The following XKR9 variants were observed in gnomAD, a reference collection of about 807,000 sequenced individuals.
XKR9 encodes XK-related protein 9.
Under a neutral mutation model 32.0 loss-of-function variants are expected in XKR9, and 32 were observed. That is an observed-to-expected ratio of 1.00 (90% CI 0.76 to 1.34). The LOEUF is 1.34. Among genes scored for constraint, XKR9 ranks in the 40% most tolerant of loss-of-function variants. XKR9 has a pLI of 0.00. For synonymous variants in XKR9, 168 were observed against 143.4 expected (o/e 1.17, Z -1.22); for missense variants, 546 against 429.7 (o/e 1.27, Z -2.39).
intron 4 of XKR9, among the ~76,000 whole-genome samples, chr8:70,730,033 C>T (rs1424326829): frequency 6.6e-6 from 1 of 152,024 alleles, no homozygotes; most frequent in Non-Finnish European, 1.5e-5. Context: ...ATTTACTTAT[C>T]CGAGGTGGTA....
At chr8:70,980,791 A>G in the XKR9 span, among the ~76,000 whole-genome samples, 1 of 152,204 alleles carries the variant, frequency 6.6e-6, no homozygotes, top group South Asian at 2.1e-4. Context: ...ATTTGTTTCA[A>G]GATTTAGAGC....
the XKR9 span, among the ~76,000 whole-genome samples, chr8:70,975,534 C>G: frequency 5.3e-4 from 81 of 152,252 alleles, no homozygotes; most frequent in African/African-American, 1.2e-3. Flanking sequence ...TCAGGTTTGT[C>G]AAAGATCAGA....
the XKR9 span, among the ~76,000 whole-genome samples, chr8:70,862,693 G>C: frequency 1.8e-4 from 28 of 151,954 alleles, no homozygotes; most frequent in African/African-American, 6.3e-4. Flanking sequence ...GCTGGGTGAA[G>C]AATAAATATG....
At chr8:70,724,679 C>T (rs1298997564) in intron 4 of XKR9, among the ~76,000 whole-genome samples, 1 of 152,144 alleles carries the variant, frequency 6.6e-6, no homozygotes, top group Non-Finnish European at 1.5e-5. Flanking sequence ...ACCCACCCTG[C>T]TTCTGCTCGC....
the XKR9 span, among the ~76,000 whole-genome samples, chr8:71,018,152 G>A: frequency 6.6e-6 from 1 of 152,156 alleles, no homozygotes; most frequent in South Asian, 2.1e-4. Flanking sequence ...GCATTAGAAG[G>A]ATTGCAGACA....
At chr8:70,978,220 T>C in the XKR9 span, among the ~76,000 whole-genome samples, 2 of 151,132 alleles carry the variant, frequency 1.3e-5, no homozygotes, top group East Asian at 3.9e-4. Flanking sequence ...AACTGGAGCA[T>C]TTAGCCCATT....
chr8:70,898,710 A>C, the XKR9 span, among the ~76,000 whole-genome samples: 1 of 151,856 alleles, frequency 6.6e-6, no homozygotes, highest in Non-Finnish European at 1.5e-5. Context: ...TCTTTTTTAA[A>C]ATGTGTTACT....
At chr8:70,895,704 G>T in the XKR9 span, among the ~76,000 whole-genome samples, 3 of 151,574 alleles carry the variant, frequency 2.0e-5, no homozygotes, top group Non-Finnish European at 4.4e-5. Context: ...TCTCTTGTAG[G>T]CTGTGTGCAA....
chr8:70,954,174 G>A, the XKR9 span, among the ~76,000 whole-genome samples: 1 of 152,028 alleles, frequency 6.6e-6, no homozygotes, highest in Admixed American at 6.6e-5. Context: ...CTGGGTGAGA[G>A]CAGGGCAGGC....
chr8:70,856,629 G>A, the XKR9 span, among the ~76,000 whole-genome samples: 1 of 152,098 alleles, frequency 6.6e-6, no homozygotes, highest in Non-Finnish European at 1.5e-5. Flanking sequence ...GGACCTAATA[G>A]ACATCTGCAG....
chr8:70,850,541 A>T, the XKR9 span, among the ~76,000 whole-genome samples: 1 of 152,168 alleles, frequency 6.6e-6, no homozygotes, highest in South Asian at 2.1e-4. Context: ...ATCCTCAATG[A>T]AAAACTGGCA....
At chr8:71,006,366 C>T in the XKR9 span, among the ~76,000 whole-genome samples, 198 of 152,048 alleles carry the variant, frequency 1.3e-3, 2 homozygotes, top group East Asian at 7.2e-3. Flanking sequence ...CTATCATTGG[C>T]GTTAGTATAT....
At chr8:70,899,076 G>C in the XKR9 span, among the ~76,000 whole-genome samples, 1 of 152,070 alleles carries the variant, frequency 6.6e-6, no homozygotes. Flanking sequence ...ACTATGCCTA[G>C]CTAGAATTTT....
chr8:70,709,222 G>A (rs1160573879), intron 4 of XKR9, among the ~76,000 whole-genome samples: 1 of 151,992 alleles, frequency 6.6e-6, no homozygotes, highest in Non-Finnish European at 1.5e-5. Context: ...CACAGAAAAG[G>A]CTTTTGATAA....
chr8:70,733,513 AT>A lies in XKR9; in HGVS notation c.494-282del, dbSNP rs1301511524. Among the ~76,000 whole-genome samples the A allele has an allele frequency of 2.0e-5, 3 of 152,138 alleles. No homozygotes were observed. The East Asian group carries it at 5.8e-4, about 29-fold the overall frequency. The stretch of plus-strand genomic sequence containing the variant: ...TCCCATGAATTTTTAAAAAATCATA[AT>A]AAAACAGTCTAATATAGTGGATAAA... On this transcript the variant is annotated intron_variant, in intron 4 of 4. Coordinates refer to ENST00000408926, the MANE Select transcript of XKR9 (RefSeq NM_001011720.2).
At chr8:70,696,993 T>A (rs1366075257) in intron 3 of XKR9, among the ~76,000 whole-genome samples, 1 of 151,758 alleles carries the variant, frequency 6.6e-6, no homozygotes, top group Non-Finnish European at 1.5e-5. Flanking sequence ...TTGTCTGTTA[T>A]TGGTGTATAA....
chr8:71,045,362 G>A, the XKR9 span, among the ~76,000 whole-genome samples: 1 of 152,190 alleles, frequency 6.6e-6, no homozygotes, highest in Admixed American at 6.5e-5. Flanking sequence ...AGTGGAGAAA[G>A]AGCTGCAGAA....
chr8:70,935,158 T>C, the XKR9 span, among the ~76,000 whole-genome samples: 1 of 141,928 alleles, frequency 7.0e-6, no homozygotes, highest in Admixed American at 7.5e-5. Flanking sequence ...TATACATATA[T>C]ATACATATAT....
chr8:70,769,415 T>G (rs939567366), intron 2 of XKR9, among the ~76,000 whole-genome samples: 3 of 152,104 alleles, frequency 2.0e-5, no homozygotes, highest in East Asian at 3.9e-4. Flanking sequence ...ATTATGTGTC[T>G]TGTGGTTGCT....
Sources: gnomAD v4.1 joint callset for allele counts (sites outside exome capture counted in the v4.1 genomes callset) on GRCh38, gnomAD v4.1.1 for gene constraint, MANE v1.5 for transcripts, NCBI Gene and HGNC (gene_info 2026-07-23, HGNC 2026-07-21) for gene names.